Variants in SORCS1 observed in about 807,000 individuals in gnomAD.
The protein encoded by SORCS1 is sortilin related VPS10 domain containing receptor 1, also known as VPS10 domain-containing receptor SorCS1.
SORCS1 carries 60 observed loss-of-function variants against 146.1 expected under a neutral mutation model. That is an observed-to-expected ratio of 0.41 (90% CI 0.33 to 0.51). The LOEUF (loss-of-function observed/expected upper bound fraction) is 0.51, where lower values mean the gene tolerates loss of function less well. Among genes scored for constraint, SORCS1 ranks in the 20% least tolerant of loss-of-function variants. The probability of loss-of-function intolerance (pLI) is 0.21; values close to 1 mark genes in which losing one functional copy is unlikely to be tolerated. For synonymous variants in SORCS1, 637 were observed against 584.0 expected, an observed-to-expected ratio of 1.09 and a Z score of -1.31; for missense variants, 1,352 against 1,487.6, an observed-to-expected ratio of 0.91 and a Z score of 1.50.
At chr10:107,145,205 G>C (rs1968215308) in intron 1 of SORCS1, among the ~76,000 whole-genome samples, 2 of 152,162 alleles carry the variant, frequency 1.3e-5, no homozygotes, top group African/African-American at 2.4e-5. Flanking sequence ...GGAAAGTCTT[G>C]GGCAAACATA....
At chr10:106,967,011 C>A (rs2139147141) in intron 1 of SORCS1, among the ~76,000 whole-genome samples, 1 of 152,014 alleles carries the variant, frequency 6.6e-6, no homozygotes, top group South Asian at 2.1e-4. Flanking sequence ...TTGTCAAATC[C>A]ACTAGACTTA....
intron 1 of SORCS1, among the ~76,000 whole-genome samples, chr10:107,069,256 C>T (rs1962207590): frequency 6.6e-6 from 1 of 152,174 alleles, no homozygotes; most frequent in Admixed American, 6.5e-5. Context: ...GTGACATCTA[C>T]GTTTACCATA....
chr10:106,603,246 GCTCCACATCTA>G (rs1359667762), intron 23 of SORCS1, among the ~76,000 whole-genome samples: 1 of 152,250 alleles, frequency 6.6e-6, no homozygotes. Flanking sequence ...GGCAGGGCTT[GCTCCACATCTA>G]AGCAGCTGGC....
At position 106,577,295 on chromosome 10, in the gene SORCS1, T is replaced by C; in HGVS notation, c.*125A>G. Reference sequence around the variant, plus strand: ...ACTATGGAAATACTTCCTGGCAAAATAGGAAACAGAACAACAAAGGAAAGA... The same window carrying C: ...ACTATGGAAATACTTCCTGGCAAAACAGGAAACAGAACAACAAAGGAAAGA... On this transcript the variant is annotated 3_prime_UTR_variant, in exon 26 of 26. Coordinates refer to ENST00000263054, the MANE Select transcript of SORCS1 (RefSeq NM_052918.5). 3 of 1,608,962 alleles carry C rather than the reference T, an allele frequency of 1.9e-6. No individual in the cohort carries two copies. The highest frequency in any genetic ancestry group is 1.3e-5 in the African/African-American group (1 of 74,806).
At chr10:106,709,808 T>C (rs887244666) in intron 6 of SORCS1, among the ~76,000 whole-genome samples, 4 of 152,192 alleles carry the variant, frequency 2.6e-5, no homozygotes, top group Non-Finnish European at 5.9e-5. Flanking sequence ...TTGTCATTGT[T>C]ATTATTATTT....
chr10:106,620,592 TG>T (rs967026539), intron 19 of SORCS1, 31 bp from the exon 20 acceptor site: 14 of 1,608,572 alleles, frequency 8.7e-6, no homozygotes, highest in African/African-American at 1.3e-5. Flanking sequence ...AGGCCATGGA[TG>T]GGGAAGAGCT....
At chr10:106,628,150 A>T (rs1311774646) in intron 19 of SORCS1, among the ~76,000 whole-genome samples, 1 of 152,230 alleles carries the variant, frequency 6.6e-6, no homozygotes, top group African/African-American at 2.4e-5. Context: ...TGTTTCTTTG[A>T]AGCACCTCTG....
chr10:107,055,639 A>G (rs1590034321), intron 1 of SORCS1, among the ~76,000 whole-genome samples: 1 of 152,122 alleles, frequency 6.6e-6, no homozygotes, highest in Admixed American at 6.6e-5. Flanking sequence ...TTTTTTTCCT[A>G]CCAGACAGCA....
At chr10:107,072,268 T>A (rs1352901815) in intron 1 of SORCS1, among the ~76,000 whole-genome samples, 1 of 152,180 alleles carries the variant, frequency 6.6e-6, no homozygotes, top group East Asian at 1.9e-4. Context: ...TGCAGAGGCC[T>A]CTCCAGCTTC....
At chr10:106,791,097 C>A (rs1268667540) in intron 3 of SORCS1, among the ~76,000 whole-genome samples, 1 of 152,156 alleles carries the variant, frequency 6.6e-6, no homozygotes, top group Non-Finnish European at 1.5e-5. Flanking sequence ...CAGAAAGAGA[C>A]ACAAAGTGGG....
chr10:106,802,486 T>C (rs978992880), intron 3 of SORCS1, among the ~76,000 whole-genome samples: 6 of 146,092 alleles, frequency 4.1e-5, no homozygotes, highest in Admixed American at 6.8e-5. Flanking sequence ...CATGAGCCAC[T>C]AAACCCAGCT....
chr10:106,932,237 A>AT (rs1172360160), intron 2 of SORCS1, among the ~76,000 whole-genome samples: 3 of 152,154 alleles, frequency 2.0e-5, no homozygotes, highest in Non-Finnish European at 2.9e-5. Flanking sequence ...GAATTACATG[A>AT]TTTTTTTGAT....
intron 23 of SORCS1, among the ~76,000 whole-genome samples, 195 bp from the exon 24 acceptor site, chr10:106,597,645 G>A (rs765631764): frequency 1.1e-4 from 16 of 151,994 alleles, no homozygotes; most frequent in Non-Finnish European, 1.8e-4. Flanking sequence ...CTGTCTTTAC[G>A]TGCTAATTGC....
chr10:107,125,111 C>G (rs1336254714), intron 1 of SORCS1, among the ~76,000 whole-genome samples: 1 of 151,826 alleles, frequency 6.6e-6, no homozygotes, highest in Non-Finnish European at 1.5e-5. Flanking sequence ...CACCAACACG[C>G]CCAGCTAATT....
chr10:106,814,048 A>C (rs1947612820), intron 3 of SORCS1, among the ~76,000 whole-genome samples: 1 of 152,116 alleles, frequency 6.6e-6, no homozygotes, highest in Admixed American at 6.5e-5. Context: ...TCATTGACTT[A>C]TTGGCAAGTA....
intron 2 of SORCS1, among the ~76,000 whole-genome samples, chr10:106,953,060 G>C (rs939434527): frequency 2.6e-5 from 4 of 151,850 alleles, no homozygotes; most frequent in Non-Finnish European, 5.9e-5. Flanking sequence ...TCACATACCT[G>C]AAGTAGTCAC....
chr10:106,679,147 A>G, intron 12 of SORCS1, 109 bp downstream of exon 12: 2 of 693,930 alleles, frequency 2.9e-6, no homozygotes, highest in Admixed American at 5.1e-5. Context: ...ATTCACAGTC[A>G]TTAGGATTTA....
In SORCS1 at chr10:106,579,413, CACT is replaced by C; in HGVS notation, c.3324_3326del (p.Val1110del). On this transcript the variant is annotated inframe_deletion, in exon 25 of 26. Transcript: ENST00000263054. ...CGAACACTGCCAGCCCCACAAACACCACTGAGAGCAGCATCAGCATGGCAGATC... is the reference window on the plus strand; with the variant it reads ...CGAACACTGCCAGCCCCACAAACACCGAGAGCAGCATCAGCATGGCAGATC... The C allele has an allele frequency of 6.2e-7, 1 of 1,613,962 alleles. No individual in the cohort carries two copies. Among genetic ancestry groups the C allele is most frequent in the South Asian group, 1.1e-5 (1 of 91,062 alleles).
At chr10:106,863,696 T>C (rs1195585034) in intron 2 of SORCS1, among the ~76,000 whole-genome samples, 1 of 151,430 alleles carries the variant, frequency 6.6e-6, no homozygotes, top group East Asian at 1.9e-4. Context: ...TCACAAAATC[T>C]GGATGGTAGA....
Sources: allele counts gnomAD v4.1 joint callset (sites outside exome capture counted in the v4.1 genomes callset), GRCh38; gene constraint gnomAD v4.1.1; transcripts MANE v1.5; gene names NCBI Gene and HGNC (gene_info 2026-07-23, HGNC 2026-07-21).